Variants in WIF1 observed in about 807,000 individuals in gnomAD.
The protein encoded by WIF1 is Wnt inhibitory factor 1.
Under a neutral mutation model 53.5 loss-of-function variants are expected in WIF1, and 35 were observed. The ratio of observed to expected loss-of-function variants is 0.65; its 90% CI spans 0.50 to 0.87. The LOEUF is 0.87. Among genes scored for constraint, WIF1 ranks in the 40% least tolerant of loss-of-function variants. WIF1 has a pLI of 0.00. For synonymous variants in WIF1, 171 were observed against 170.4 expected (o/e 1.00, Z -0.03); for missense variants, 467 against 476.8 (o/e 0.98, Z 0.19).
At chr12:65,063,253 C>A (rs1162878520) in intron 6 of WIF1, among the ~76,000 whole-genome samples, 1 of 137,862 alleles carries the variant, frequency 7.3e-6, no homozygotes, top group Non-Finnish European at 1.7e-5. Flanking sequence ...AATCACACTT[C>A]GTGATTCATC....
intron 6 of WIF1, among the ~76,000 whole-genome samples, chr12:65,066,356 G>A (rs1298428289): frequency 6.6e-6 from 1 of 152,120 alleles, no homozygotes; most frequent in Admixed American, 6.6e-5. Context: ...CAAAGCTCTA[G>A]GCAGGACCAC....
chr12:65,075,196 C>T (rs556988425), intron 3 of WIF1, among the ~76,000 whole-genome samples: 2 of 152,238 alleles, frequency 1.3e-5, no homozygotes, highest in African/African-American at 2.4e-5. Context: ...ACACTTAGGT[C>T]GGGAAATTAG....
At chr12:65,105,941 C>T (rs1319109368) in intron 2 of WIF1, among the ~76,000 whole-genome samples, 1 of 152,176 alleles carries the variant, frequency 6.6e-6, no homozygotes, top group Non-Finnish European at 1.5e-5. Flanking sequence ...CACAGGACAC[C>T]AAGCTGTTCT....
chr12:65,068,661 G>C, intron 4 of WIF1, 103 bp downstream of exon 4: 1 of 810,208 alleles, frequency 1.2e-6, no homozygotes, highest in Non-Finnish European at 1.8e-6. Flanking sequence ...GTGTGTGTGT[G>C]TGTGTGTGTG....
intron 3 of WIF1, among the ~76,000 whole-genome samples, chr12:65,074,712 G>A (rs1014384758): frequency 4.0e-5 from 6 of 150,682 alleles, no homozygotes; most frequent in African/African-American, 1.5e-4. Flanking sequence ...CAGCTACTCA[G>A]GAGGCTGAGG....
chr12:65,083,686 T>C, intron 2 of WIF1: 1 of 315,956 alleles, frequency 3.2e-6, no homozygotes, highest in Non-Finnish European at 6.0e-6. Context: ...CTCATGTGCA[T>C]GGAGCCTGGT....
intron 7 of WIF1, among the ~76,000 whole-genome samples, chr12:65,056,765 T>C (rs1882535750): frequency 6.6e-6 from 1 of 152,024 alleles, no homozygotes; most frequent in South Asian, 2.1e-4. Context: ...TTCTCCTGCC[T>C]CATCCTCCAG....
intron 2 of WIF1, among the ~76,000 whole-genome samples, chr12:65,115,410 G>C (rs1224310792): frequency 6.6e-6 from 1 of 152,064 alleles, no homozygotes; most frequent in Non-Finnish European, 1.5e-5. Context: ...CCTAATGTTC[G>C]ATTCTGATTT....
chr12:65,084,846 G>A (rs1274595422), intron 2 of WIF1, among the ~76,000 whole-genome samples: 1 of 152,162 alleles, frequency 6.6e-6, no homozygotes, highest in African/African-American at 2.4e-5. Flanking sequence ...TTACTTTTAT[G>A]GGCCAAAAAC....
intron 2 of WIF1, among the ~76,000 whole-genome samples, chr12:65,116,705 C>T (rs970262407): frequency 2.6e-4 from 40 of 151,666 alleles, no homozygotes; most frequent in African/African-American, 8.0e-4. Flanking sequence ...GAGGCTGAGG[C>T]GGGTGGATCA....
chr12:65,071,064 G>A (rs745999536), intron 3 of WIF1, among the ~76,000 whole-genome samples: 6 of 151,454 alleles, frequency 4.0e-5, no homozygotes, highest in South Asian at 4.2e-4. Context: ...GGTGAAACCC[G>A]TGTCTACTAA....
At chr12:65,054,672 A>C (rs546993256) in intron 9 of WIF1, among the ~76,000 whole-genome samples, 5 of 152,358 alleles carry the variant, frequency 3.3e-5, no homozygotes, top group South Asian at 4.1e-4. Context: ...AAAATGCTTC[A>C]TGTTTTATAA....
chr12:65,083,671 C>G (rs954984126), intron 2 of WIF1: 1 of 293,720 alleles, frequency 3.4e-6, no homozygotes, highest in Non-Finnish European at 6.5e-6. Flanking sequence ...TGCGTCATGC[C>G]CATGCTCATG....
chr12:65,111,056 G>A (rs994360418), intron 2 of WIF1, among the ~76,000 whole-genome samples: 1 of 152,190 alleles, frequency 6.6e-6, no homozygotes, highest in Non-Finnish European at 1.5e-5. Flanking sequence ...CCTGAGGCAG[G>A]AAAGGTGAGC....
At chr12:65,097,797 TC>T (rs1883227631) in intron 2 of WIF1, among the ~76,000 whole-genome samples, 1 of 152,222 alleles carries the variant, frequency 6.6e-6, no homozygotes, top group Admixed American at 6.6e-5. Flanking sequence ...CTTAGCATTG[TC>T]TTTTATGTAT....
At chr12:65,059,332 G>A (rs1447427516) in intron 7 of WIF1, among the ~76,000 whole-genome samples, 1 of 152,120 alleles carries the variant, frequency 6.6e-6, no homozygotes, top group Non-Finnish European at 1.5e-5. Flanking sequence ...AGGATTATAG[G>A]TGATTTTTAA....
intron 9 of WIF1, among the ~76,000 whole-genome samples, chr12:65,053,566 G>A (rs1052839804): frequency 6.6e-6 from 1 of 152,100 alleles, no homozygotes; most frequent in African/African-American, 2.4e-5. Flanking sequence ...TTTGCCTTCT[G>A]CCACGATTGT....
intron 3 of WIF1, among the ~76,000 whole-genome samples, chr12:65,071,078 C>A (rs1174652668): frequency 6.6e-6 from 1 of 150,770 alleles, no homozygotes; most frequent in Non-Finnish European, 1.5e-5. Flanking sequence ...CTACTAAAAG[C>A]AAAAAAATTA....
Position 65,051,164 on chromosome 12 carries a change from T to C in WIF1, c.*185A>G. 1 of 635,210 alleles carries C rather than the reference T, an allele frequency of 1.6e-6. No individual in the cohort carries two copies. Among genetic ancestry groups the C allele is most frequent in the Non-Finnish European group, 2.4e-6 (1 of 419,964 alleles). 39.3% of individuals were successfully genotyped at this position (635,210 alleles called of 1,614,324 possible). Reference sequence around the variant, plus strand: ...TGAAACAAGAAAATCTATACCATCATGCTACAGACGTACTTAGAAAACTTA... The same window carrying C: ...TGAAACAAGAAAATCTATACCATCACGCTACAGACGTACTTAGAAAACTTA... On this transcript the variant is annotated 3_prime_UTR_variant, in exon 10 of 10. Coordinates refer to ENST00000286574, the MANE Select transcript of WIF1 (RefSeq NM_007191.5).
Sources: allele counts gnomAD v4.1 joint callset (sites outside exome capture counted in the v4.1 genomes callset), GRCh38; gene constraint gnomAD v4.1.1; transcripts MANE v1.5; gene names NCBI Gene and HGNC (gene_info 2026-07-23, HGNC 2026-07-21).